INPP4A: variants seen among roughly 807,000 people sequenced by gnomAD.
The protein encoded by INPP4A is inositol polyphosphate-4-phosphatase type I A, also known as inositol polyphosphate-4-phosphatase, type I, 107kD.
Under a neutral mutation model 119.8 loss-of-function variants are expected in INPP4A, and 33 were observed. The ratio of observed to expected loss-of-function variants is 0.28; its 90% CI spans 0.21 to 0.37. The LOEUF (loss-of-function observed/expected upper bound fraction) is 0.37. Among genes scored for constraint, INPP4A ranks in the 10% least tolerant of loss-of-function variants. INPP4A has a pLI of 1.00. For synonymous variants in INPP4A, 496 were observed against 500.7 expected (o/e 0.99, Z 0.12); for missense variants, 956 against 1,289.9 (o/e 0.74, Z 3.97).
At chr2:98,483,064 A>C (rs1678800145) in intron 1 of INPP4A, among the ~76,000 whole-genome samples, 1 of 152,238 alleles carries the variant, frequency 6.6e-6, no homozygotes, top group South Asian at 2.1e-4. Context: ...AGGGATACTC[A>C]ACCTGTGCTA....
intron 10 of INPP4A, among the ~76,000 whole-genome samples, 166 bp downstream of exon 10, chr2:98,539,841 A>G (rs1292075942): frequency 6.6e-6 from 1 of 152,190 alleles, no homozygotes; most frequent in Non-Finnish European, 1.5e-5. Flanking sequence ...CAGTTTGCTC[A>G]TTGGGATCAT....
chr2:98,580,175 G>T (rs1170145193), intron 24 of INPP4A, among the ~76,000 whole-genome samples: 1 of 152,190 alleles, frequency 6.6e-6, no homozygotes, highest in Non-Finnish European at 1.5e-5. Flanking sequence ...CCCTGCCCGT[G>T]GGTGCAGGAG....
At chr2:98,518,216 A>G (rs1686518864) in intron 1 of INPP4A, among the ~76,000 whole-genome samples, 1 of 152,184 alleles carries the variant, frequency 6.6e-6, no homozygotes, top group East Asian at 1.9e-4. Flanking sequence ...TTAACCAGCA[A>G]ATCTTCCCCT....
intron 1 of INPP4A, among the ~76,000 whole-genome samples, chr2:98,446,669 G>C (rs1375353182): frequency 6.6e-6 from 1 of 152,118 alleles, no homozygotes; most frequent in Non-Finnish European, 1.5e-5. Flanking sequence ...CTGCTTACCT[G>C]GCCACCTTAC....
chr2:98,576,005 A>G (rs1448157014), intron 23 of INPP4A, among the ~76,000 whole-genome samples: 1 of 152,244 alleles, frequency 6.6e-6, no homozygotes, highest in Non-Finnish European at 1.5e-5. Context: ...GTACCATGGT[A>G]TACATACAGG....
At chr2:98,504,862 G>T (rs578166749) in intron 1 of INPP4A, among the ~76,000 whole-genome samples, 1 of 152,340 alleles carries the variant, frequency 6.6e-6, no homozygotes, top group African/African-American at 2.4e-5. Flanking sequence ...GAAATGATGT[G>T]TGTGGTGTTA....
At chr2:98,557,850 C>G (rs902214736) in intron 16 of INPP4A, among the ~76,000 whole-genome samples, 3 of 152,170 alleles carry the variant, frequency 2.0e-5, no homozygotes, top group African/African-American at 7.2e-5. Context: ...GTCTCCCATC[C>G]CCCTCCACCC....
chr2:98,587,776 T>G lies in INPP4A; in HGVS notation c.*168T>G, dbSNP rs1700097076. On this transcript the variant is annotated 3_prime_UTR_variant, in exon 25 of 25. Coordinates refer to ENST00000409851, the MANE Select transcript of INPP4A (RefSeq NM_001134225.2). ...TGGAGCATGTTTTTTGTTTTTTGGG[T>G]TTTTTTCCCCATTGGAATCAATAGG... The G allele has an allele frequency of 1.3e-5, 7 of 556,194 alleles. No homozygotes were observed. Among genetic ancestry groups the G allele is most frequent in the African/African-American group, 6.0e-5 (3 of 50,384 alleles). The allele number at this position is 556,194 out of a possible 1,614,324, so 34.5% of individuals were successfully genotyped here. A position where few individuals can be genotyped will look rare whatever the true frequency, so the allele number is the denominator to read the frequency against.
intron 5 of INPP4A, 32 bp from the exon 6 acceptor site, chr2:98,535,697 C>A: frequency 9.9e-7 from 1 of 1,007,436 alleles, no homozygotes; most frequent in Non-Finnish European, 1.5e-6. Context: ...AAATCCAACC[C>A]TGTGTTCTGA....
intron 4 of INPP4A, among the ~76,000 whole-genome samples, chr2:98,529,426 C>G (rs1023422691): frequency 2.1e-4 from 32 of 152,076 alleles, no homozygotes; most frequent in Middle Eastern, 3.2e-3. Context: ...TTGCACAACT[C>G]TGAATGTCTT....
chr2:98,586,226 C>T (rs780751471), intron 24 of INPP4A, among the ~76,000 whole-genome samples: 1 of 152,064 alleles, frequency 6.6e-6, no homozygotes, highest in Non-Finnish European at 1.5e-5. Context: ...TCTAAACTAT[C>T]GGAGCTTAGC....
intron 1 of INPP4A, among the ~76,000 whole-genome samples, chr2:98,504,619 T>G (rs776370355): frequency 4.4e-4 from 67 of 152,236 alleles, no homozygotes; most frequent in Non-Finnish European, 9.0e-4. Context: ...TCCCGGCATT[T>G]CATTGATCTG....
At chr2:98,485,716 G>C (rs967505043) in intron 1 of INPP4A, among the ~76,000 whole-genome samples, 1 of 152,120 alleles carries the variant, frequency 6.6e-6, no homozygotes, top group Non-Finnish European at 1.5e-5. Context: ...AGATGTGTGG[G>C]AACTTTTTTG....
chr2:98,573,752 T>C (rs1379229969), intron 23 of INPP4A, among the ~76,000 whole-genome samples: 1 of 152,230 alleles, frequency 6.6e-6, no homozygotes, highest in Non-Finnish European at 1.5e-5. Context: ...GCAGACCGTC[T>C]CAGCTGCTCA....
intron 1 of INPP4A, among the ~76,000 whole-genome samples, chr2:98,489,062 G>A (rs1033581553): frequency 6.6e-6 from 1 of 151,598 alleles, no homozygotes; most frequent in Admixed American, 6.6e-5. Context: ...GTGGGGTGAT[G>A]ATGGGAATAG....
chr2:98,547,564 A>G (rs1692694663), intron 13 of INPP4A, among the ~76,000 whole-genome samples: 1 of 152,192 alleles, frequency 6.6e-6, no homozygotes. Context: ...ATGAGTGTAG[A>G]TGACCAGTAA....
At chr2:98,537,766 CA>C in intron 7 of INPP4A, 96 bp from the exon 8 acceptor site, 2 of 892,900 alleles carry the variant, frequency 2.2e-6, no homozygotes, top group Admixed American at 4.0e-5. Context: ...CTGCTGCCCC[CA>C]GGACCCTGAT....
chr2:98,479,593 C>T (rs368539001), intron 1 of INPP4A, among the ~76,000 whole-genome samples: 16 of 152,302 alleles, frequency 1.1e-4, no homozygotes, highest in East Asian at 3.9e-4. Context: ...GTATAACCTG[C>T]AGCCCACAGT....
chr2:98,498,573 T>G (rs1682509158), intron 1 of INPP4A, among the ~76,000 whole-genome samples: 2 of 151,968 alleles, frequency 1.3e-5, no homozygotes, highest in African/African-American at 4.8e-5. Flanking sequence ...ACTCACCAAT[T>G]CAGGTGCTGG....
Sources: gnomAD v4.1 joint callset for allele counts (sites outside exome capture counted in the v4.1 genomes callset) on GRCh38, gnomAD v4.1.1 for gene constraint, MANE v1.5 for transcripts, NCBI Gene and HGNC (gene_info 2026-07-23, HGNC 2026-07-21) for gene names.